DIAPH3: variants seen among roughly 807,000 people sequenced by gnomAD.
DIAPH3 encodes diaphanous related formin 3.
Under a neutral mutation model 144.3 loss-of-function variants are expected in DIAPH3, and 117 were observed. The observed-to-expected ratio is 0.81, with a 90% CI of 0.70 to 0.95. The LOEUF (loss-of-function observed/expected upper bound fraction) is 0.95, where lower values mean the gene tolerates loss of function less well. Ranked by LOEUF, DIAPH3 falls within the 40% of genes least tolerant of loss-of-function variation. The pLI, the probability that DIAPH3 is intolerant of heterozygous loss-of-function variation, is 0.00. For missense variants in DIAPH3, 1,421 were observed against 1,412.7 expected (o/e 1.01, Z -0.09); for synonymous variants, 519 against 488.9 (o/e 1.06, Z -0.81).
intron 4 of DIAPH3, among the ~76,000 whole-genome samples, chr13:60,068,798 C>T (rs1019326975): frequency 3.9e-5 from 6 of 152,174 alleles, no homozygotes; most frequent in African/African-American, 9.7e-5. Flanking sequence ...GTTCCATCCA[C>T]GTTGCTGCAA....
intron 25 of DIAPH3, among the ~76,000 whole-genome samples, chr13:59,808,515 T>C (rs915878382): frequency 3.3e-5 from 5 of 152,076 alleles, no homozygotes; most frequent in Non-Finnish European, 7.4e-5. Context: ...TGAAAATCAG[T>C]TTGTAAGTAT....
intron 21 of DIAPH3, among the ~76,000 whole-genome samples, chr13:59,873,612 G>A (rs947308091): frequency 2.0e-5 from 3 of 151,230 alleles, no homozygotes; most frequent in African/African-American, 7.3e-5. Flanking sequence ...TTCATTTTCA[G>A]AGTAATGTTT....
chr13:60,020,219 G>A (rs2053920767), intron 5 of DIAPH3, among the ~76,000 whole-genome samples: 1 of 152,062 alleles, frequency 6.6e-6, no homozygotes, highest in Non-Finnish European at 1.5e-5. Flanking sequence ...ATAATATTTA[G>A]GTCTGCTGAT....
rs556788782 is a variant in DIAPH3 at position 60,076,643 on chromosome 13, C to T, written c.495+16985G>A. ...CTCATCTTTGGTAGGATTTTTATTT[C>T]TTTCCTCATAATGTCTTATACTTTC... On this transcript the variant is annotated intron_variant, in intron 4 of 27. Transcript: ENST00000400324. 2.0e-5 allele frequency among the ~76,000 whole-genome samples: 3 copies of T among 152,188 alleles called. No individual in the cohort carries two copies. The East Asian group carries it at 5.8e-4, about 29-fold the overall frequency.
intron 24 of DIAPH3, among the ~76,000 whole-genome samples, chr13:59,818,308 A>G (rs1203876870): frequency 6.6e-6 from 1 of 151,998 alleles, no homozygotes; most frequent in Non-Finnish European, 1.5e-5. Flanking sequence ...TACAAATAGT[A>G]GATAATTCCA....
chr13:59,827,242 G>C (rs2041488988), intron 24 of DIAPH3, among the ~76,000 whole-genome samples: 1 of 151,960 alleles, frequency 6.6e-6, no homozygotes, highest in South Asian at 2.1e-4. Context: ...AGAGTGAACA[G>C]GCAACCTACA....
chr13:59,935,642 A>T (rs2048227645), intron 17 of DIAPH3, among the ~76,000 whole-genome samples: 1 of 152,234 alleles, frequency 6.6e-6, no homozygotes, highest in Non-Finnish European at 1.5e-5. Context: ...GGTATTGAAA[A>T]TCACATTGTA....
intron 5 of DIAPH3, among the ~76,000 whole-genome samples, chr13:60,017,739 C>T (rs889585460): frequency 3.9e-5 from 6 of 152,130 alleles, no homozygotes; most frequent in Non-Finnish European, 7.3e-5. Context: ...CAGTGAAAGC[C>T]ATGAAATAAC....
chr13:60,015,940 CTG>C lies in DIAPH3; in HGVS notation c.742_743del (p.Gln248ValfsTer18). ...GCGTATTCATCAGGGCTTTTAGACA[CTG>C]TATGACTTTATGTTGATTTTTCTTT... ...VVKKNQHKVI[Q>X]CLKALMNTQY... On this transcript the variant is annotated frameshift_variant, in exon 7 of 28. Coordinates refer to ENST00000400324, the MANE Select transcript of DIAPH3 (RefSeq NM_001042517.2). LOFTEE classifies it high-confidence loss of function. 6.2e-7 allele frequency: 1 copy of C among 1,613,300 alleles called. No homozygotes were observed. Among genetic ancestry groups the C allele is most frequent in the South Asian group, 1.1e-5 (1 of 91,040 alleles).
chr13:59,756,261 T>G (rs1196008835), intron 27 of DIAPH3, among the ~76,000 whole-genome samples: 1 of 152,160 alleles, frequency 6.6e-6, no homozygotes, highest in Non-Finnish European at 1.5e-5. Flanking sequence ...TACATAATTA[T>G]TATGTGTCTC....
At chr13:59,977,950 G>A (rs550467465) in intron 14 of DIAPH3, among the ~76,000 whole-genome samples, 9 of 151,778 alleles carry the variant, frequency 5.9e-5, no homozygotes, top group South Asian at 4.1e-4. Context: ...TGGCTATCTC[G>A]CGTTGTTCTT....
chr13:59,969,758 T>C (rs144289884), intron 17 of DIAPH3, among the ~76,000 whole-genome samples, 186 bp downstream of exon 17: 66 of 152,324 alleles, frequency 4.3e-4, no homozygotes, highest in African/African-American at 1.5e-3. Flanking sequence ...ATTAACCTTT[T>C]GCATTTTTAA....
At chr13:60,104,458 C>T (rs1481616764) in intron 3 of DIAPH3, among the ~76,000 whole-genome samples, 2 of 151,852 alleles carry the variant, frequency 1.3e-5, no homozygotes, top group African/African-American at 4.8e-5. Context: ...TGATAATGAA[C>T]TCATAAACAC....
chr13:59,762,878 T>C (rs1366014667), intron 27 of DIAPH3, among the ~76,000 whole-genome samples: 1 of 152,130 alleles, frequency 6.6e-6, no homozygotes, highest in Non-Finnish European at 1.5e-5. Context: ...ATGCCATTAT[T>C]GTGAGAATAG....
chr13:59,827,111 C>A (rs1305700846), intron 24 of DIAPH3, among the ~76,000 whole-genome samples: 1 of 152,154 alleles, frequency 6.6e-6, no homozygotes, highest in African/African-American at 2.4e-5. Flanking sequence ...CCATTCACGA[C>A]ATAGGCATGG....
chr13:59,692,716 C>T (rs1275353932), intron 27 of DIAPH3, among the ~76,000 whole-genome samples: 1 of 152,126 alleles, frequency 6.6e-6, no homozygotes, highest in Non-Finnish European at 1.5e-5. Context: ...CCATAACCTA[C>T]TCTATTAGGC....
intron 2 of DIAPH3, among the ~76,000 whole-genome samples, chr13:60,124,894 C>T (rs770424616): frequency 4.0e-5 from 6 of 151,760 alleles, no homozygotes; most frequent in Admixed American, 6.6e-5. Flanking sequence ...GTGCTCTCAG[C>T]GGAGAAAAGG....
intron 12 of DIAPH3, among the ~76,000 whole-genome samples, chr13:59,986,746 A>G (rs2051412820): frequency 1.3e-5 from 2 of 149,662 alleles, no homozygotes; most frequent in East Asian, 3.9e-4. Flanking sequence ...ACTGGCCATC[A>G]GAGAAATGCA....
At position 60,028,126 on chromosome 13, in the gene DIAPH3, G is replaced by A. The variant is rs570450582; in HGVS notation, c.627-11981C>T. Among the ~76,000 whole-genome samples, 60 of 151,808 alleles carry A rather than the reference G, an allele frequency of 4.0e-4. 2 individuals are homozygous for A. Among genetic ancestry groups the A allele is most frequent in the Admixed American group, 3.6e-3 (55 of 15,236 alleles). On this transcript the variant is annotated intron_variant, in intron 5 of 27. Coordinates refer to ENST00000400324, the MANE Select transcript of DIAPH3 (RefSeq NM_001042517.2). ...ACATTTCCTTCTTCTTTGAACTCTC[G>A]CTGATTTGATTTCTCCATGTGTTCA...
Sources: allele counts gnomAD v4.1 joint callset (sites outside exome capture counted in the v4.1 genomes callset), GRCh38; gene constraint gnomAD v4.1.1; transcripts MANE v1.5; gene names NCBI Gene and HGNC (gene_info 2026-07-23, HGNC 2026-07-21).